Variants in COL1A1 observed in about 807,000 individuals in gnomAD.
The protein encoded by COL1A1 is collagen alpha-1(I) chain.
In COL1A1, 21 loss-of-function variants were observed where a neutral mutation model predicts 195.7. That is an observed-to-expected ratio of 0.11 (90% CI 0.08 to 0.15). The LOEUF (loss-of-function observed/expected upper bound fraction) is 0.15. Among genes scored for constraint, COL1A1 ranks in the 10% least tolerant of loss-of-function variants. The pLI, the probability that COL1A1 is intolerant of heterozygous loss-of-function variation, is 1.00. For missense variants in COL1A1, 1,365 were observed against 2,051.0 expected (o/e 0.67, Z 6.46); for synonymous variants, 749 against 747.3 (o/e 1.00, Z -0.04).
Position 50,186,572 on chromosome 17 carries a change from A to C in COL1A1, c.3815-65T>G. ...GCAGCCAGCACCATATGGTAGGGGC[A>C]CATATGGGCATGGGGACCCTGGCAT... On this transcript the variant is annotated intron_variant, in intron 48 of 50. Coordinates refer to ENST00000225964, the MANE Select transcript of COL1A1 (RefSeq NM_000088.4). This position sits in a 1 kb window ranked among gnomAD's most constrained non-coding sequence, Gnocchi z 5.3. 1 of 1,612,018 alleles carries C rather than the reference A, an allele frequency of 6.2e-7. No individual in the cohort carries two copies. The highest frequency in any genetic ancestry group is 8.5e-7 in the Non-Finnish European group (1 of 1,178,238).
At position 50,185,447 on chromosome 17, in the gene COL1A1, G is replaced by A. The variant is rs571597998; in HGVS notation, c.*55C>T. The A allele has an allele frequency of 2.4e-5, 38 of 1,609,822 alleles. 1 individual carries two copies. Among genetic ancestry groups the A allele is most frequent in the African/African-American group, 2.3e-4 (17 of 74,816 alleles). The stretch of plus-strand genomic sequence containing the variant: ...CAGTTTGGGTTGCTTGTCTGTTTCC[G>A]GGTTGGGGGGAAAGTTGGTTGGGTG... On this transcript the variant is annotated 3_prime_UTR_variant, in exon 51 of 51. Transcript: ENST00000225964.
intron 31 of COL1A1, 52 bp downstream of exon 31, chr17:50,191,736 T>G: frequency 6.5e-7 from 1 of 1,533,884 alleles, no homozygotes; most frequent in East Asian, 2.4e-5. Flanking sequence ...GCAGGAGGGG[T>G]GAGACCTGGT....
chr17:50,200,553 C>A (rs899134483), intron 1 of COL1A1, among the ~76,000 whole-genome samples: 13 of 152,232 alleles, frequency 8.5e-5, no homozygotes, highest in Admixed American at 5.2e-4. Context: ...CATCCCCAGT[C>A]CCCCAAAGCC....
rs1372138293 is a variant in COL1A1 at position 50,184,491 on chromosome 17, A to AG, written c.*1010_*1011insC. The AG allele has an allele frequency of 5.8e-3, 1,308 of 226,988 alleles. 1 individual carries two copies. The highest frequency in any genetic ancestry group is 0.038 in the East Asian group (578 of 15,092). The allele number at this position is 226,988 out of a possible 1,614,324, so 14.1% of individuals were successfully genotyped here. On this transcript the variant is annotated 3_prime_UTR_variant, in exon 51 of 51. Coordinates refer to ENST00000225964, the MANE Select transcript of COL1A1 (RefSeq NM_000088.4). ...CCCCATCCACAAAAAAAAAAAAAAA[A>AG]AAAGAAAAATATCAAGGAATAAAAA... is the stretch of plus-strand genomic sequence containing the variant.
chr17:50,195,609 A>G lies in COL1A1; in HGVS notation c.1113T>C (p.Gly371=), dbSNP rs765580009. The G allele has an allele frequency of 6.2e-7, 1 of 1,613,820 alleles. No homozygotes were observed. Among genetic ancestry groups the G allele is most frequent in the Non-Finnish European group, 8.5e-7 (1 of 1,179,940 alleles). Residue 371 remains glycine (G), a synonymous_variant, in exon 17 of 51, where the codon GGT becomes GGC. Coordinates refer to ENST00000225964, the MANE Select transcript of COL1A1 (RefSeq NM_000088.4). This position sits in a 1 kb window ranked among gnomAD's most constrained non-coding sequence, Gnocchi z 4.3. The part of the protein sequence containing the change: ...RGSEGPQGVR[G]EPGPPGPAGA... ...CAGCAGGGCCAGGGGGGCCAGGCTC[A>G]CCACGCACACCCTGGGGACCTTCAG...
At chr17:50,193,486 T>TC (rs529144625) in intron 25 of COL1A1, 455 of 216,164 alleles carry the variant, frequency 2.1e-3, no homozygotes, top group Middle Eastern at 3.8e-3. Flanking sequence ...TCTTTCTTCT[T>TC]TTTTTTTTTT....
chr17:50,193,393 G>T (rs1206732773), intron 25 of COL1A1: 1 of 416,684 alleles, frequency 2.4e-6, no homozygotes, highest in African/African-American at 2.0e-5. Flanking sequence ...CACGTGTCGG[G>T]GTGGAGGGCC....
Position 50,186,670 on chromosome 17 carries a change from G to A in COL1A1, c.3784C>T (p.Leu1262Phe). The A allele has an allele frequency of 6.2e-7, 1 of 1,613,730 alleles. No homozygotes were observed. The highest frequency in any genetic ancestry group is 2.2e-5 in the East Asian group (1 of 44,864). The stretch of plus-strand genomic sequence containing the variant: ...TTCCAGTCAGAGTGGCACATCTTGA[G>A]GTCACGGCAGGTGCGGGCGGGGTTC... ...RKNPARTCRD[L>F]KMCHSDWKSG... The change falls in exon 48 of 51, where the codon CTC (leucine) becomes TTC (phenylalanine). Residue 1262 changes from leucine to phenylalanine, a missense_variant. Transcript: ENST00000225964. This position sits in a 1 kb window ranked among gnomAD's most constrained non-coding sequence, Gnocchi z 5.3.
chr17:50,198,366 G>T, intron 6 of COL1A1, 67 bp downstream of exon 6: 1 of 1,573,108 alleles, frequency 6.4e-7, no homozygotes, highest in Non-Finnish European at 8.7e-7. Flanking sequence ...TATACCAGCC[G>T]CCTATGCCCA....
chr17:50,199,152 T>TATA, intron 5 of COL1A1, 74 bp downstream of exon 5: 1 of 1,422,282 alleles, frequency 7.0e-7, no homozygotes. Context: ...TATTTCAAAG[T>TATA]ATAAAATTAT....
In COL1A1 at chr17:50,188,087, G is replaced by C; in HGVS notation, c.3261+9C>G. The C allele has an allele frequency of 6.2e-7, 1 of 1,610,964 alleles. No individual in the cohort carries two copies. The highest frequency in any genetic ancestry group is 8.5e-7 in the Non-Finnish European group (1 of 1,178,336). Reference sequence around the variant, plus strand: ...TCTAAAGGCATGGGGGACACAGCAGGGTACTTACGGCGGGGCCACGGGCGC... The same window carrying C: ...TCTAAAGGCATGGGGGACACAGCAGCGTACTTACGGCGGGGCCACGGGCGC... On this transcript the variant is annotated intron_variant, in intron 44 of 50. Transcript: ENST00000225964. The surrounding 1 kb of genome is among the most constrained non-coding windows in gnomAD (Gnocchi z 5.6).
At position 50,184,914 on chromosome 17, in the gene COL1A1, C is replaced by T. The variant is rs1906343128; in HGVS notation, c.*588G>A. The T allele has an allele frequency of 3.9e-5, 9 of 229,108 alleles. No homozygotes were observed. The South Asian group carries it at 1.3e-3, about 32-fold the overall frequency. 14.2% of individuals were successfully genotyped at this position (229,108 alleles called of 1,614,324 possible). A position where few individuals can be genotyped will look rare whatever the true frequency, so the allele number is the denominator to read the frequency against. ...AACGAAGGGGAGATGTTGCAAGAGC[C>T]ATGGGAGCGCCAGATGGCAAGGCTT... On this transcript the variant is annotated 3_prime_UTR_variant, in exon 51 of 51. Transcript: ENST00000225964.
Position 50,199,607 on chromosome 17 carries a change from C to A in COL1A1, c.299-17G>T, listed in dbSNP as rs749169664. Reference sequence around the variant, plus strand: ...TGGGTGACTCTAGGGGACGAAGAGACGCGCGTTAGAGCCAAGGTTTGCTAA... The same window carrying A: ...TGGGTGACTCTAGGGGACGAAGAGAAGCGCGTTAGAGCCAAGGTTTGCTAA... On this transcript the variant is annotated splice_polypyrimidine_tract_variant and intron_variant, in intron 2 of 50. Transcript: ENST00000225964. 6.2e-7 allele frequency: 1 copy of A among 1,613,982 alleles called. No individual in the cohort carries two copies. The highest frequency in any genetic ancestry group is 8.5e-7 in the Non-Finnish European group (1 of 1,179,976).
chr17:50,189,411 C>G lies in COL1A1; in HGVS notation c.2795G>C (p.Gly932Ala). ...VGPPGPPGPA[G>A]EKGSPGADGP... is the part of the protein sequence containing the mutation. ...ATCAGCACCAGGGGATCCTTTCTCG[C>G]CAGCAGGGCCAGGGGGACCAGGGGG... Residue 932 changes from glycine to alanine, a missense_variant, in exon 39 of 51, where the codon GGC becomes GCC. Coordinates refer to ENST00000225964, the MANE Select transcript of COL1A1 (RefSeq NM_000088.4). This position sits in a 1 kb window ranked among gnomAD's most constrained non-coding sequence, Gnocchi z 5.5. The G allele has an allele frequency of 6.2e-7, 1 of 1,613,958 alleles. No individual in the cohort carries two copies. The highest frequency in any genetic ancestry group is 8.5e-7 in the Non-Finnish European group (1 of 1,180,006).
Position 50,186,507 on chromosome 17 carries a change from C to T in COL1A1, c.3815G>A (p.Gly1272Glu), listed in dbSNP as rs1114167402. Residue 1272 changes from glycine (G) to glutamate (E), a missense_variant and splice_region_variant, in exon 49 of 51, where the codon GGA (glycine) becomes GAA (glutamate). By Grantham distance (98) the Gly-to-Glu change is moderately conservative. This residue lies in a region of COL1A1 where 273 missense variants were observed against 338.6 expected (regional missense o/e 0.81). Coordinates refer to ENST00000225964, the MANE Select transcript of COL1A1 (RefSeq NM_000088.4). The surrounding 1 kb of genome is among the most constrained non-coding windows in gnomAD (Gnocchi z 5.3). The stretch of plus-strand genomic sequence containing the variant: ...TTGGTTGGGGTCAATCCAGTACTCT[C>T]CTGTGGTAGGGCAGGGCAAGATGGA... The part of the protein sequence containing the change: ...LKMCHSDWKS[G>E]EYWIDPNQGC... 5 of 1,614,124 alleles carry T rather than the reference C, an allele frequency of 3.1e-6. No homozygotes were observed. Among genetic ancestry groups the T allele is most frequent in the East Asian group, 2.2e-5 (1 of 44,876 alleles).
intron 5 of COL1A1, 105 bp downstream of exon 5, chr17:50,199,121 A>G: frequency 7.4e-7 from 1 of 1,344,836 alleles, no homozygotes. Context: ...GATTCTTGCA[A>G]CTTTTCTGTA....
At position 50,198,472 on chromosome 17, in the gene COL1A1, A is replaced by T. The variant is rs368246367; in HGVS notation, c.504T>A (p.Asp168Glu). Reference sequence around the variant, plus strand: ...CGGAAATTCCTCCGGTTGATTTCTCATCATAGCCATAAGACAGCTGGGGAG... The same window carrying T: ...CGGAAATTCCTCCGGTTGATTTCTCTTCATAGCCATAAGACAGCTGGGGAG... ...NFAPQLSYGY[D>E]EKSTGGISVP... The change falls in exon 6 of 51, where the codon GAT becomes GAA. Residue 168 changes from aspartate (D) to glutamate (E), a missense_variant. Physicochemically the swap from Asp to Glu is conservative, Grantham distance 45 (BLOSUM62 2). Transcript: ENST00000225964. The T allele has an allele frequency of 6.2e-7, 1 of 1,613,516 alleles. No homozygotes were observed.
intron 46 of COL1A1, 64 bp downstream of exon 46, chr17:50,187,420 C>T (rs553544934): frequency 1.3e-6 from 2 of 1,575,956 alleles, no homozygotes; most frequent in Non-Finnish European, 8.7e-7. Flanking sequence ...GGGTCCCTGG[C>T]AAGGGTCCCC....
chr17:50,193,787 T>C, intron 25 of COL1A1, 156 bp downstream of exon 25: 1 of 748,538 alleles, frequency 1.3e-6, no homozygotes, highest in African/African-American at 1.7e-5. Context: ...CGCCGAGAAG[T>C]CTTTCATTTT....
Sources: gnomAD v4.1 joint callset for allele counts (sites outside exome capture counted in the v4.1 genomes callset) on GRCh38, gnomAD v4.1.1 for gene constraint, gnomAD v4.1.1 regional missense constraint, Gnocchi (gnomAD v3.1) non-coding constraint, MANE v1.5 for transcripts, NCBI Gene and HGNC (gene_info 2026-07-23, HGNC 2026-07-21) for gene names.